The following GBE1 variants were observed in gnomAD, a reference collection of about 807,000 sequenced individuals.
GBE1 encodes the protein 1,4-alpha-glucan branching enzyme 1.
In GBE1, 70 loss-of-function variants were observed where a neutral mutation model predicts 88.8. That is an observed-to-expected ratio of 0.79 (90% CI 0.65 to 0.96). The LOEUF (loss-of-function observed/expected upper bound fraction) is 0.96. Among genes scored for constraint, GBE1 ranks in the 40% least tolerant of loss-of-function variants. The pLI, the probability that GBE1 is intolerant of heterozygous loss-of-function variation, is 0.00. For missense variants in GBE1, 872 were observed against 871.0 expected (o/e 1.00, Z -0.01); for synonymous variants, 284 against 300.1 (o/e 0.95, Z 0.56).
intron 15 of GBE1, among the ~76,000 whole-genome samples, chr3:81,491,181 C>A (rs371419206): frequency 6.6e-6 from 1 of 152,222 alleles, no homozygotes; most frequent in East Asian, 1.9e-4. Context: ...CTTGCTGGTT[C>A]CTTATCTCTT....
At chr3:81,560,005 G>A (rs1233358531) in intron 12 of GBE1, among the ~76,000 whole-genome samples, 1 of 151,936 alleles carries the variant, frequency 6.6e-6, no homozygotes, top group Admixed American at 6.6e-5. Context: ...CAAAGAGACA[G>A]ATCCTTATAT....
chr3:81,705,455 G>C lies in GBE1; in HGVS notation c.302C>G (p.Thr101Ser). 2 of 1,585,654 alleles carry C rather than the reference G, an allele frequency of 1.3e-6. No homozygotes were observed. Among genetic ancestry groups the C allele is most frequent in the Non-Finnish European group, 1.7e-6 (2 of 1,167,700 alleles). The stretch of plus-strand genomic sequence containing the variant: ...TTTCAAGTACTTACTAAAATCTCCA[G>C]TAAGAAAAACTCCTTCTGCTCCCGG... Reference protein sequence around the residue: ...WAPGAEGVFLTGDFNGWNPFS... With the variant: ...WAPGAEGVFLSGDFNGWNPFS... The change falls in exon 2 of 16, where the codon ACT (threonine) becomes AGT (serine). Residue 101 changes from threonine to serine, a missense_variant. Coordinates refer to ENST00000429644, the MANE Select transcript of GBE1 (RefSeq NM_000158.4).
At chr3:81,672,538 T>C (rs1365450199) in intron 2 of GBE1, among the ~76,000 whole-genome samples, 2 of 151,900 alleles carry the variant, frequency 1.3e-5, no homozygotes, top group African/African-American at 2.4e-5. Context: ...TCAAGAACTA[T>C]CAAAACATTA....
At chr3:81,760,718 T>C (rs1037907728) in intron 1 of GBE1, among the ~76,000 whole-genome samples, 1 of 152,232 alleles carries the variant, frequency 6.6e-6, no homozygotes, top group Non-Finnish European at 1.5e-5. Context: ...TAAAAGTTGC[T>C]TTCCTGACCT....
At chr3:81,616,143 T>C (rs987862322) in intron 7 of GBE1, among the ~76,000 whole-genome samples, 4 of 152,176 alleles carry the variant, frequency 2.6e-5, no homozygotes, top group Admixed American at 6.5e-5. Context: ...TTTGGGTATA[T>C]GCTTTGCAAA....
intron 2 of GBE1, among the ~76,000 whole-genome samples, chr3:81,682,075 G>T (rs1163689991): frequency 6.6e-6 from 1 of 152,080 alleles, no homozygotes; most frequent in Non-Finnish European, 1.5e-5. Flanking sequence ...TTTAACAATT[G>T]AATAAAAAAG....
intron 1 of GBE1, among the ~76,000 whole-genome samples, chr3:81,750,591 ATATATATATGTGTATATATATATATG>A (rs1706496920): frequency 3.8e-5 from 2 of 51,958 alleles, no homozygotes; most frequent in African/African-American, 2.2e-4. Flanking sequence ...ATATATACGT[ATATATATATGTGTATATATATATATG>A]TATATATATA....
intron 14 of GBE1, among the ~76,000 whole-genome samples, chr3:81,515,533 A>G (rs1007434513): frequency 1.3e-5 from 2 of 151,446 alleles, no homozygotes; most frequent in Non-Finnish European, 1.5e-5. Context: ...TATAGAATTT[A>G]GCCCAATTAA....
chr3:81,672,641 T>C (rs1705204327), intron 2 of GBE1, among the ~76,000 whole-genome samples: 2 of 151,944 alleles, frequency 1.3e-5, no homozygotes, highest in Admixed American at 1.3e-4. Flanking sequence ...TCCCTGTGGG[T>C]AGAAGAAAGG....
At chr3:81,665,177 A>C (rs781041551) in intron 3 of GBE1, among the ~76,000 whole-genome samples, 1 of 152,162 alleles carries the variant, frequency 6.6e-6, no homozygotes, top group Non-Finnish European at 1.5e-5. Flanking sequence ...ATGCTGATTA[A>C]ATAAGTTCTT....
At chr3:81,702,100 A>T (rs2680249) in intron 2 of GBE1, among the ~76,000 whole-genome samples, 6 of 76,288 alleles carry the variant, frequency 7.9e-5, no homozygotes, top group Admixed American at 2.6e-4. Context: ...AGAGAGAGAG[A>T]GAGTGTGTGT....
At position 81,733,108 on chromosome 3, in the gene GBE1, T is replaced by C. The variant is rs1706211041; in HGVS notation, c.144-27495A>G. ...TGTATTTATAGCCACTCCCCATTGC[T>C]TGCATTACTGCCTGAGCTCCACCTC... On this transcript the variant is annotated intron_variant, in intron 1 of 15. Transcript: ENST00000429644. The surrounding 1 kb of genome is among the most constrained non-coding windows in gnomAD (Gnocchi z 4.0). Among the ~76,000 whole-genome samples the C allele has an allele frequency of 6.6e-6, 1 of 152,146 alleles. No homozygotes were observed. Among genetic ancestry groups the C allele is most frequent in the African/African-American group, 2.4e-5 (1 of 41,430 alleles).
intron 1 of GBE1, among the ~76,000 whole-genome samples, chr3:81,730,670 C>T (rs2107203490): frequency 6.6e-6 from 1 of 152,200 alleles, no homozygotes; most frequent in South Asian, 2.1e-4. Context: ...TACCAGAAAG[C>T]CTTCTAGTTT....
At chr3:81,558,144 A>G (rs1360026652) in intron 12 of GBE1, among the ~76,000 whole-genome samples, 2 of 151,994 alleles carry the variant, frequency 1.3e-5, no homozygotes, top group Non-Finnish European at 2.9e-5. Flanking sequence ...CTATTTCTCA[A>G]TTTGTAAAGT....
Position 81,555,469 on chromosome 3 carries a change from T to C in GBE1, c.1619-18374A>G, listed in dbSNP as rs543668235. Among the ~76,000 whole-genome samples the C allele has an allele frequency of 5.3e-5, 8 of 152,310 alleles. No individual in the cohort carries two copies. In the East Asian group the frequency reaches 5.8e-4, roughly 11 times the overall value. ...GAAAGAACACAGACGTGAAGCAATATAGTTAGTAACTTAATGGGTGCTGCA... is the reference window on the plus strand; with the variant it reads ...GAAAGAACACAGACGTGAAGCAATACAGTTAGTAACTTAATGGGTGCTGCA... On this transcript the variant is annotated intron_variant, in intron 12 of 15. Coordinates refer to ENST00000429644, the MANE Select transcript of GBE1 (RefSeq NM_000158.4).
chr3:81,585,198 T>C (rs1309997884), intron 10 of GBE1, among the ~76,000 whole-genome samples: 1 of 152,142 alleles, frequency 6.6e-6, no homozygotes, highest in Non-Finnish European at 1.5e-5. Flanking sequence ...CCAAGTTTAA[T>C]GTCACAGCTA....
At chr3:81,614,302 A>T (rs559867084) in intron 7 of GBE1, among the ~76,000 whole-genome samples, 1 of 152,146 alleles carries the variant, frequency 6.6e-6, no homozygotes, top group African/African-American at 2.4e-5. Context: ...GGGGGAAAAA[A>T]CCCTACCATA....
At chr3:81,670,462 A>G (rs1705174192) in intron 3 of GBE1, among the ~76,000 whole-genome samples, 1 of 152,046 alleles carries the variant, frequency 6.6e-6, no homozygotes, top group Non-Finnish European at 1.5e-5. Flanking sequence ...ATTTCACCCG[A>G]CCTCTTTACA....
intron 12 of GBE1, among the ~76,000 whole-genome samples, chr3:81,574,758 CTTA>C (rs1465134818): frequency 1.3e-5 from 2 of 152,102 alleles, no homozygotes; most frequent in African/African-American, 4.8e-5. Context: ...CGTAGCATGC[CTTA>C]TTATTCTTAT....
Sources: gnomAD v4.1 joint callset for allele counts (sites outside exome capture counted in the v4.1 genomes callset) on GRCh38, gnomAD v4.1.1 for gene constraint, Gnocchi (gnomAD v3.1) non-coding constraint, MANE v1.5 for transcripts, NCBI Gene and HGNC (gene_info 2026-07-23, HGNC 2026-07-21) for gene names.